Variants in ATG10 observed in about 807,000 individuals in gnomAD.
ATG10 encodes the protein ubiquitin-like-conjugating enzyme ATG10.
In ATG10, 30 loss-of-function variants were observed where a neutral mutation model predicts 32.1. That is an observed-to-expected ratio of 0.94 (90% CI 0.70 to 1.27). ATG10 has a LOEUF of 1.27. ATG10 is among the 50% of genes most tolerant of loss of function. The pLI is 0.00. For synonymous variants in ATG10, 87 were observed against 91.5 expected (o/e 0.95, Z 0.28); for missense variants, 233 against 262.3 (o/e 0.89, Z 0.77).
intron 2 of ATG10, among the ~76,000 whole-genome samples, chr5:82,055,112 T>A (rs1191642972): frequency 1.3e-5 from 2 of 152,094 alleles, no homozygotes; most frequent in Non-Finnish European, 2.9e-5. Context: ...ACAAAACATA[T>A]TTTTCTGCCT....
intron 2 of ATG10, among the ~76,000 whole-genome samples, chr5:82,009,072 C>T (rs1424457116): frequency 1.3e-5 from 2 of 152,136 alleles, no homozygotes; most frequent in East Asian, 1.9e-4. Context: ...ATAATCTAAA[C>T]GTGGCATTAG....
intron 5 of ATG10, among the ~76,000 whole-genome samples, chr5:82,213,062 T>A (rs1581809529): frequency 6.6e-6 from 1 of 152,220 alleles, no homozygotes; most frequent in Non-Finnish European, 1.5e-5. Flanking sequence ...CAAGCCTTTT[T>A]CATTTCAACA....
intron 3 of ATG10, among the ~76,000 whole-genome samples, chr5:82,139,359 G>A (rs1190678841): frequency 6.7e-6 from 1 of 149,926 alleles, no homozygotes; most frequent in African/African-American, 2.5e-5. Flanking sequence ...AAAGTGAGGA[G>A]CGTCTCCGCC....
intron 2 of ATG10, among the ~76,000 whole-genome samples, chr5:82,047,751 A>G (rs923989972): frequency 1.6e-4 from 25 of 152,154 alleles, no homozygotes; most frequent in Admixed American, 2.0e-4. Context: ...TGGAGGTGAA[A>G]AGAAGGGGGA....
At chr5:82,139,333 T>G (rs1272563091) in intron 3 of ATG10, among the ~76,000 whole-genome samples, 1 of 146,882 alleles carries the variant, frequency 6.8e-6, no homozygotes, top group Non-Finnish European at 1.5e-5. Flanking sequence ...CCCCTCTGCC[T>G]GGCTGCCCAG....
At chr5:82,058,757 A>G (rs1182092966) in intron 3 of ATG10, among the ~76,000 whole-genome samples, 155 bp downstream of exon 3, 1 of 152,188 alleles carries the variant, frequency 6.6e-6, no homozygotes, top group Non-Finnish European at 1.5e-5. Flanking sequence ...TGTTAAGTAA[A>G]TATTTTAAAA....
At chr5:82,075,763 C>T (rs1764256423) in intron 3 of ATG10, among the ~76,000 whole-genome samples, 1 of 152,082 alleles carries the variant, frequency 6.6e-6, no homozygotes, top group African/African-American at 2.4e-5. Context: ...TAGTGATATG[C>T]TGTCTCACTA....
intron 5 of ATG10, among the ~76,000 whole-genome samples, chr5:82,225,657 C>G (rs1350994772): frequency 1.3e-5 from 2 of 152,124 alleles, no homozygotes; most frequent in Non-Finnish European, 2.9e-5. Flanking sequence ...GATGCCAAAG[C>G]CCTTTACAGA....
intron 2 of ATG10, among the ~76,000 whole-genome samples, chr5:81,994,923 T>A (rs898667136): frequency 1.3e-5 from 2 of 152,174 alleles, no homozygotes; most frequent in Non-Finnish European, 1.5e-5. Context: ...TTTTAGTTCA[T>A]CAAGACTGAC....
At chr5:82,116,537 A>G (rs897049014) in intron 3 of ATG10, among the ~76,000 whole-genome samples, 1 of 152,082 alleles carries the variant, frequency 6.6e-6, no homozygotes, top group African/African-American at 2.4e-5. Flanking sequence ...GCAAATGTCT[A>G]TGTTGTATAT....
chr5:82,219,310 G>A (rs1216557247), intron 5 of ATG10, among the ~76,000 whole-genome samples: 1 of 152,104 alleles, frequency 6.6e-6, no homozygotes, highest in Non-Finnish European at 1.5e-5. Context: ...CATGATTGAT[G>A]CTTTAAAATG....
At chr5:82,019,155 G>A (rs1762370822) in intron 2 of ATG10, among the ~76,000 whole-genome samples, 1 of 152,048 alleles carries the variant, frequency 6.6e-6, no homozygotes, top group South Asian at 2.1e-4. Flanking sequence ...AAAATTTTGA[G>A]AAATTAAAAA....
At chr5:82,045,111 G>T (rs1299089671) in intron 2 of ATG10, among the ~76,000 whole-genome samples, 1 of 152,132 alleles carries the variant, frequency 6.6e-6, no homozygotes. Context: ...TTCTCTCAGA[G>T]ATCACTGTTC....
At chr5:82,070,890 T>G (rs1247041181) in intron 3 of ATG10, among the ~76,000 whole-genome samples, 1 of 152,170 alleles carries the variant, frequency 6.6e-6, no homozygotes, top group African/African-American at 2.4e-5. Flanking sequence ...TGGAAATTGC[T>G]TCCTTCTAAG....
intron 3 of ATG10, among the ~76,000 whole-genome samples, chr5:82,097,905 A>T (rs1765123273): frequency 6.6e-6 from 1 of 152,212 alleles, no homozygotes; most frequent in Admixed American, 6.5e-5. Context: ...GACATCTTAA[A>T]ACTATTTTAA....
chr5:82,225,808 G>C (rs1363503619), intron 5 of ATG10, among the ~76,000 whole-genome samples: 1 of 152,146 alleles, frequency 6.6e-6, no homozygotes, highest in African/African-American at 2.4e-5. Flanking sequence ...GGGAATACTT[G>C]ACTCCATTAG....
intron 2 of ATG10, among the ~76,000 whole-genome samples, chr5:81,997,556 T>C (rs149148777): frequency 6.6e-6 from 1 of 152,236 alleles, no homozygotes; most frequent in East Asian, 1.9e-4. Flanking sequence ...ATGACAGAAA[T>C]ATAATTCAGA....
At chr5:82,137,871 A>T (rs1296674602) in intron 3 of ATG10, among the ~76,000 whole-genome samples, 1 of 152,158 alleles carries the variant, frequency 6.6e-6, no homozygotes, top group East Asian at 1.9e-4. Flanking sequence ...TTTGTCTCTA[A>T]GCCCCTCACT....
chr5:82,088,808 C>T (rs1764777190), intron 3 of ATG10, among the ~76,000 whole-genome samples: 1 of 152,130 alleles, frequency 6.6e-6, no homozygotes, highest in Non-Finnish European at 1.5e-5. Flanking sequence ...AAGGGAAGCA[C>T]AGTTAGAGGG....
Sources: gnomAD v4.1 joint callset for allele counts (sites outside exome capture counted in the v4.1 genomes callset) on GRCh38, gnomAD v4.1.1 for gene constraint, MANE v1.5 for transcripts, NCBI Gene and HGNC (gene_info 2026-07-23, HGNC 2026-07-21) for gene names.